Variants in L3HYPDH observed in about 807,000 individuals in gnomAD.
L3HYPDH encodes trans-3-hydroxy-L-proline dehydratase.
Under a neutral mutation model 26.5 loss-of-function variants are expected in L3HYPDH, and 32 were observed. That is an observed-to-expected ratio of 1.21 (90% CI 0.91 to 1.62). L3HYPDH has a LOEUF of 1.62. L3HYPDH is among the 40% of genes most tolerant of loss of function. L3HYPDH has a pLI of 0.00. For missense variants in L3HYPDH, 554 were observed against 476.4 expected (o/e 1.16, Z -1.52); for synonymous variants, 215 against 196.6 (o/e 1.09, Z -0.78).
At chr14:59,484,616 G>T, upstream of L3HYPDH, 1 of 1,577,998 alleles carries the variant, frequency 6.3e-7, no homozygotes, top group Non-Finnish European at 8.6e-7. Flanking sequence ...CAAGATCCCG[G>T]GAAGCGTTTC....
At chr14:59,470,502 TG>T (rs1889282773), downstream of L3HYPDH, among the ~76,000 whole-genome samples, 1 of 152,300 alleles carries the variant, frequency 6.6e-6, no homozygotes, top group Non-Finnish European at 1.5e-5. Context: ...GAAGAGGAGA[TG>T]GGCCTGGGCC....
chr14:59,480,316 G>A (rs1171220109), intron 1 of L3HYPDH, among the ~76,000 whole-genome samples: 2 of 152,142 alleles, frequency 1.3e-5, no homozygotes, highest in Non-Finnish European at 2.9e-5. Context: ...CTTCCCCCAG[G>A]GCACCACAGG....
At chr14:59,482,002 A>G (rs1890061760) in intron 1 of L3HYPDH, among the ~76,000 whole-genome samples, 1 of 152,250 alleles carries the variant, frequency 6.6e-6, no homozygotes, top group Non-Finnish European at 1.5e-5. Flanking sequence ...ACATTTGTCA[A>G]TCAGCATATT....
chr14:59,502,760 T>TGTTTTGTTTTGTTTTGTTTTTTTTG, the L3HYPDH span, among the ~76,000 whole-genome samples: 4 of 130,112 alleles, frequency 3.1e-5, no homozygotes, highest in Non-Finnish European at 4.9e-5. Flanking sequence ...ATTTTTTTTT[T>TGTTTTGTTTTGTTTTGTTTTTTTTG]TTTTTTTTTT....
chr14:59,485,293 T>C (rs775333489), upstream of L3HYPDH, among the ~76,000 whole-genome samples: 1 of 152,208 alleles, frequency 6.6e-6, no homozygotes, highest in Non-Finnish European at 1.5e-5. Context: ...ACCTGAAATA[T>C]TCATTTTCAT....
chr14:59,489,195 A>G (rs1211952050), upstream of L3HYPDH, among the ~76,000 whole-genome samples: 8 of 58,318 alleles, frequency 1.4e-4, no homozygotes, highest in Admixed American at 1.5e-3. Flanking sequence ...CTTTTTAAGT[A>G]TAAGTCCCAA....
At chr14:59,475,792 TATCAAA>T in intron 4 of L3HYPDH, 71 bp downstream of exon 4, 1 of 1,391,724 alleles carries the variant, frequency 7.2e-7, no homozygotes, top group East Asian at 2.3e-5. Context: ...TGAAGAAATT[TATCAAA>T]CACCCAACTC....
the L3HYPDH span, chr14:59,499,030 TTTTTTTTTTTTTG>T: frequency 5.4e-6 from 3 of 560,700 alleles, no homozygotes; most frequent in Non-Finnish European, 8.5e-6. Context: ...TTTTTTTTTT[TTTTTTTTTTTTTG>T]TGATGGAATC....
At chr14:59,501,072 C>A in the L3HYPDH span, 15 of 643,408 alleles carry the variant, frequency 2.3e-5, no homozygotes, top group African/African-American at 2.4e-4. Context: ...GGTTGTAAGT[C>A]TCACAGAACT....
intron 1 of L3HYPDH, among the ~76,000 whole-genome samples, chr14:59,480,243 A>AT (rs1198705709): frequency 6.6e-6 from 1 of 152,138 alleles, no homozygotes; most frequent in Non-Finnish European, 1.5e-5. Context: ...CTAGAGATAA[A>AT]TTTTTTCTCC....
chr14:59,481,116 G>T (rs749665228), intron 1 of L3HYPDH, among the ~76,000 whole-genome samples: 1 of 152,132 alleles, frequency 6.6e-6, no homozygotes, highest in Non-Finnish European at 1.5e-5. Context: ...GGTTTTCTTA[G>T]GGTGGGCAGT....
rs753746967 is a variant in L3HYPDH at position 59,479,206 on chromosome 14, T to G, written c.654A>C (p.Ala218=). ...CCTGAGCTTTCACTGCCTCTGTCAC[T>G]GCACTCGCTGCATCCACAAGGTCCC... The part of the protein sequence containing the change: ...KTRDLVDAAS[A]VTEAVKAQFK... Residue 218 remains alanine, a synonymous_variant, in exon 2 of 5, where the codon GCA becomes GCC. Coordinates refer to ENST00000247194, the MANE Select transcript of L3HYPDH (RefSeq NM_144581.2). 1 of 1,609,746 alleles carries G rather than the reference T, an allele frequency of 6.2e-7. No homozygotes were observed.
Position 59,483,878 on chromosome 14 carries a change from C to T in L3HYPDH, c.439G>A (p.Ala147Thr). The change falls in exon 1 of 5, where the codon GCA becomes ACA. Residue 147 changes from alanine to threonine, a missense_variant. By Grantham distance (58) the Ala-to-Thr change is moderately conservative (BLOSUM62 0). Transcript: ENST00000247194. ...CPCGLVTAFVACEDGRSHGPV... is the reference protein window; with the variant it reads ...CPCGLVTAFVTCEDGRSHGPV... ...CCGTGGCTGCGGCCGTCCTCGCATG[C>T]CACGAAGGCGGTCACCAGCCCGCAG... 6.3e-7 allele frequency: 1 copy of T among 1,575,822 alleles called. No homozygotes were observed. The highest frequency in any genetic ancestry group is 8.6e-7 in the Non-Finnish European group (1 of 1,168,024).
upstream of L3HYPDH, chr14:59,485,153 A>G (rs1566571137): frequency 1.9e-6 from 3 of 1,593,606 alleles, no homozygotes; most frequent in African/African-American, 1.3e-5. Flanking sequence ...TCAGTTTATC[A>G]TACTGGTTTT....
intron 2 of L3HYPDH, among the ~76,000 whole-genome samples, chr14:59,477,603 A>G (rs1054427661): frequency 1.3e-5 from 2 of 152,224 alleles, no homozygotes; most frequent in African/African-American, 2.4e-5. Flanking sequence ...TTTTGTGCCA[A>G]ATTGTTAACT....
At chr14:59,470,967 G>GGGGA (rs1491444325), downstream of L3HYPDH, among the ~76,000 whole-genome samples, 2 of 63,596 alleles carry the variant, frequency 3.1e-5, no homozygotes, top group African/African-American at 1.2e-4. Context: ...GGGGGGGGGG[G>GGGGA]AGGGCAGGAG....
In L3HYPDH at chr14:59,483,677, T is replaced by G. The variant is rs1055225221; in HGVS notation, c.508+132A>C. ...CTGCTGACACACGTTGGCAGTGATT[T>G]ACCTTTCTATTAATTGCAAGGTTTC... On this transcript the variant is annotated intron_variant, in intron 1 of 4. Transcript: ENST00000247194. 2.7e-6 allele frequency: 4 copies of G among 1,462,016 alleles called. No individual in the cohort carries two copies. In the Admixed American group the frequency reaches 7.5e-5, roughly 27 times the overall value. The allele number at this position is 1,462,016 out of a possible 1,614,324, so 90.6% of individuals were successfully genotyped here. A position where few individuals can be genotyped will look rare whatever the true frequency, so the allele number is the denominator to read the frequency against.
At chr14:59,485,188 T>C (rs1444833838), upstream of L3HYPDH, 1 of 1,513,232 alleles carries the variant, frequency 6.6e-7, no homozygotes, top group African/African-American at 1.4e-5. Context: ...TGAGAAACTT[T>C]AGATTATTGA....
the L3HYPDH span, chr14:59,500,877 T>C: frequency 4.9e-6 from 1 of 203,724 alleles, no homozygotes; most frequent in Non-Finnish European, 9.7e-6. Flanking sequence ...ATGAAACGTA[T>C]GTTTTATTGT....
Sources: allele counts gnomAD v4.1 joint callset (sites outside exome capture counted in the v4.1 genomes callset), GRCh38; gene constraint gnomAD v4.1.1; transcripts MANE v1.5; gene names NCBI Gene and HGNC (gene_info 2026-07-23, HGNC 2026-07-21).